Variants in CAPZB observed in about 807,000 individuals in gnomAD.
CAPZB encodes capping actin protein of muscle Z-line subunit beta, also known as F-actin-capping protein subunit beta.
In CAPZB, 2 loss-of-function variants were observed where a neutral mutation model predicts 38.1. The ratio of observed to expected loss-of-function variants is 0.05; its 90% CI spans 0.02 to 0.17. CAPZB has a LOEUF of 0.17. Ranked by LOEUF, CAPZB falls within the 10% of genes least tolerant of loss-of-function variation. The pLI is 1.00. For missense variants in CAPZB, 161 were observed against 334.2 expected (o/e 0.48, Z 4.04); for synonymous variants, 107 against 127.4 (o/e 0.84, Z 1.08).
intron 1 of CAPZB, among the ~76,000 whole-genome samples, chr1:19,481,052 T>C (rs1305948500): frequency 6.6e-6 from 1 of 152,218 alleles, no homozygotes; most frequent in African/African-American, 2.4e-5. Flanking sequence ...ATTACGACCT[T>C]ATGCAGAGGT....
intron 1 of CAPZB, among the ~76,000 whole-genome samples, chr1:19,427,023 C>G (rs2094425394): frequency 6.6e-6 from 1 of 152,104 alleles, no homozygotes; most frequent in Non-Finnish European, 1.5e-5. Context: ...ACAGATAGGA[C>G]GAGGTCAGTT....
intron 3 of CAPZB, among the ~76,000 whole-genome samples, chr1:19,382,246 G>C (rs1399372685): frequency 6.6e-6 from 1 of 152,178 alleles, no homozygotes; most frequent in African/African-American, 2.4e-5. Context: ...CCTGAAGCCA[G>C]GGTAATTGTA....
intron 1 of CAPZB, among the ~76,000 whole-genome samples, chr1:19,457,456 C>T (rs779988029): frequency 4.4e-4 from 67 of 152,258 alleles, no homozygotes; most frequent in Non-Finnish European, 7.5e-4. Context: ...GGAGCTCTTA[C>T]AATACTATGT....
rs138057301 is a variant in CAPZB, at chr1:19,406,573, G to A, written c.93+13088C>T. Among the ~76,000 whole-genome samples the A allele has an allele frequency of 2.7e-4, 41 of 152,274 alleles. 1 individual carries two copies. The highest frequency in any genetic ancestry group is 8.9e-4 in the African/African-American group (37 of 41,552). On this transcript the variant is annotated intron_variant, in intron 2 of 8. Coordinates refer to ENST00000264202, the MANE Select transcript of CAPZB (RefSeq NM_004930.5). ...AGAAAGCTACTCCTGGGGCAGCTTTGGGCACAAACAGCGTGACGGAGAAGA... is the reference window on the plus strand; with the variant it reads ...AGAAAGCTACTCCTGGGGCAGCTTTAGGCACAAACAGCGTGACGGAGAAGA...
At chr1:19,451,162 G>A (rs570123470) in intron 1 of CAPZB, among the ~76,000 whole-genome samples, 101 of 152,254 alleles carry the variant, frequency 6.6e-4, no homozygotes, top group African/African-American at 2.3e-3. Flanking sequence ...TTGCTATTTC[G>A]CATTAAGACT....
At chr1:19,366,302 AT>A (rs1357019860) in intron 4 of CAPZB, among the ~76,000 whole-genome samples, 3 of 108,140 alleles carry the variant, frequency 2.8e-5, no homozygotes, top group African/African-American at 1.3e-4. Flanking sequence ...ATATATATAT[AT>A]ATATATAAAT....
intron 2 of CAPZB, among the ~76,000 whole-genome samples, chr1:19,394,623 G>A (rs373733439): frequency 3.3e-5 from 5 of 152,170 alleles, no homozygotes; most frequent in African/African-American, 9.7e-5. Flanking sequence ...GGAGGCTGAG[G>A]CAGAATTGCT....
At chr1:19,435,494 A>C (rs1206267811) in intron 1 of CAPZB, among the ~76,000 whole-genome samples, 2 of 152,194 alleles carry the variant, frequency 1.3e-5, no homozygotes, top group Non-Finnish European at 2.9e-5. Flanking sequence ...ACAGCACAAC[A>C]ACCAACTGCT....
intron 1 of CAPZB, among the ~76,000 whole-genome samples, chr1:19,452,551 G>A (rs763277796): frequency 1.3e-5 from 2 of 152,162 alleles, no homozygotes; most frequent in Admixed American, 6.6e-5. Flanking sequence ...CCACTGCCAC[G>A]TACACACCCT....
chr1:19,399,121 G>A (rs58441212), intron 2 of CAPZB, among the ~76,000 whole-genome samples: 50,978 of 151,898 alleles, frequency 0.34, 8,552 homozygotes, highest in Middle Eastern at 0.4. Context: ...CCCTCCCGAA[G>A]TGCTGGGATT....
intron 2 of CAPZB, among the ~76,000 whole-genome samples, chr1:19,406,000 T>A (rs2094329967): frequency 6.6e-6 from 1 of 152,224 alleles, no homozygotes; most frequent in African/African-American, 2.4e-5. Flanking sequence ...GGCATGGGGC[T>A]GGCCAGCCCC....
intron 1 of CAPZB, among the ~76,000 whole-genome samples, chr1:19,432,042 CAAA>C (rs10583269): frequency 8.2e-6 from 1 of 122,560 alleles, no homozygotes; most frequent in South Asian, 2.9e-4. Context: ...GATCCTGTCT[CAAA>C]AAAAAAAAAA....
chr1:19,398,788 G>C (rs2094287112), intron 2 of CAPZB, among the ~76,000 whole-genome samples: 1 of 151,914 alleles, frequency 6.6e-6, no homozygotes, highest in Non-Finnish European at 1.5e-5. Flanking sequence ...AGGTCGCAAA[G>C]CAGCCCAAGG....
At chr1:19,449,293 C>T in intron 1 of CAPZB, 1 of 1,049,350 alleles carries the variant, frequency 9.5e-7, no homozygotes, top group East Asian at 7.2e-5. Flanking sequence ...AGGAAATGCA[C>T]TGGCCTGGCG....
chr1:19,412,103 T>C (rs895849545), intron 2 of CAPZB, among the ~76,000 whole-genome samples: 9 of 152,228 alleles, frequency 5.9e-5, no homozygotes, highest in African/African-American at 1.2e-4. Flanking sequence ...AAAATACTGC[T>C]GGAGGCTTTT....
At chr1:19,370,547 A>G (rs1349412342) in intron 4 of CAPZB, among the ~76,000 whole-genome samples, 1 of 152,184 alleles carries the variant, frequency 6.6e-6, no homozygotes, top group African/African-American at 2.4e-5. Flanking sequence ...CTCAGTGCCC[A>G]GGGCTGTACT....
chr1:19,367,290 C>T (rs537215926), intron 4 of CAPZB, among the ~76,000 whole-genome samples: 15 of 152,350 alleles, frequency 9.8e-5, no homozygotes, highest in African/African-American at 3.4e-4. Context: ...AAAAAATGAA[C>T]GGGCAAGCAC....
intron 1 of CAPZB, among the ~76,000 whole-genome samples, chr1:19,463,798 G>C (rs2094560067): frequency 6.6e-6 from 1 of 152,176 alleles, no homozygotes; most frequent in Non-Finnish European, 1.5e-5. Flanking sequence ...AAGCACACAG[G>C]GTGGAGAAAC....
At chr1:19,367,612 G>C (rs540759851) in intron 4 of CAPZB, among the ~76,000 whole-genome samples, 1 of 152,104 alleles carries the variant, frequency 6.6e-6, no homozygotes, top group Non-Finnish European at 1.5e-5. Flanking sequence ...TAGGGAACAC[G>C]GCCCAGAGGC....
Sources: gnomAD v4.1 joint callset for allele counts (sites outside exome capture counted in the v4.1 genomes callset) on GRCh38, gnomAD v4.1.1 for gene constraint, MANE v1.5 for transcripts, NCBI Gene and HGNC (gene_info 2026-07-23, HGNC 2026-07-21) for gene names.